The following FBLN7 variants were observed in gnomAD, a reference collection of about 807,000 sequenced individuals.
The protein encoded by FBLN7 is fibulin-7.
A neutral mutation model predicts 44.0 loss-of-function variants in FBLN7; 31 were observed. The ratio of observed to expected loss-of-function variants is 0.70; its 90% CI spans 0.53 to 0.95. The LOEUF is 0.95. Among genes scored for constraint, FBLN7 ranks in the 40% least tolerant of loss-of-function variants. The pLI, the probability that FBLN7 is intolerant of heterozygous loss-of-function variation, is 0.00. For synonymous variants in FBLN7, 262 were observed against 253.4 expected (o/e 1.03, Z -0.32); for missense variants, 573 against 618.5 (o/e 0.93, Z 0.78).
chr2:112,180,826 G>A (rs1682945417), intron 4 of FBLN7, among the ~76,000 whole-genome samples: 1 of 148,722 alleles, frequency 6.7e-6, no homozygotes, highest in Non-Finnish European at 1.5e-5. Context: ...AGGAGGCTGA[G>A]GCAGGAGAAT....
At chr2:112,172,337 A>G (rs868335075) in intron 3 of FBLN7, among the ~76,000 whole-genome samples, 84 of 152,266 alleles carry the variant, frequency 5.5e-4, no homozygotes, top group African/African-American at 1.9e-3. Flanking sequence ...GTTTAGTTAG[A>G]GCAATTTCCT....
the FBLN7 span, among the ~76,000 whole-genome samples, chr2:112,200,303 A>G: frequency 6.6e-6 from 1 of 152,162 alleles, no homozygotes; most frequent in Non-Finnish European, 1.5e-5. Flanking sequence ...CTTGCCCAGG[A>G]GGAACTGTGC....
intron 4 of FBLN7, chr2:112,176,080 G>C (rs566290165): frequency 5.9e-6 from 2 of 339,894 alleles, no homozygotes; most frequent in East Asian, 4.8e-5. Flanking sequence ...ACAAGCGCAA[G>C]AACTGACTCC....
the FBLN7 span, chr2:112,212,965 C>CTTTTTTTTT: frequency 4.0e-4 from 34 of 84,888 alleles, no homozygotes; most frequent in African/African-American, 7.5e-4. Flanking sequence ...AGAAGAAATG[C>CTTTTTTTTT]TTTTTTTTTT....
At chr2:112,156,270 C>T (rs900968476) in intron 1 of FBLN7, among the ~76,000 whole-genome samples, 8 of 152,270 alleles carry the variant, frequency 5.3e-5, no homozygotes, top group African/African-American at 1.9e-4. Flanking sequence ...TTGGGGTGGC[C>T]GGCGGGGCTG....
At chr2:112,159,191 G>GTTTTTTTTTTTTTTTTTTT (rs5833433) in intron 1 of FBLN7, among the ~76,000 whole-genome samples, 1 of 147,450 alleles carries the variant, frequency 6.8e-6, no homozygotes, top group African/African-American at 2.5e-5. Flanking sequence ...ACTCTAGTGA[G>GTTTTTTTTTTTTTTTTTTT]TTTTTTTTTT....
intron 1 of FBLN7, among the ~76,000 whole-genome samples, chr2:112,142,144 G>A (rs772823991): frequency 2.0e-5 from 3 of 152,140 alleles, no homozygotes; most frequent in Non-Finnish European, 4.4e-5. Context: ...CCGGGCAAGC[G>A]TAAAGGGTGA....
intron 2 of FBLN7, among the ~76,000 whole-genome samples, chr2:112,160,284 C>CG (rs1558879145): frequency 6.6e-6 from 1 of 152,190 alleles, no homozygotes; most frequent in African/African-American, 2.4e-5. Context: ...GCCACCGCGC[C>CG]GGGCCAATCT....
At chr2:112,173,059 T>G (rs762556727) in intron 3 of FBLN7, among the ~76,000 whole-genome samples, 1 of 152,166 alleles carries the variant, frequency 6.6e-6, no homozygotes, top group Non-Finnish European at 1.5e-5. Flanking sequence ...GTCCAAACTG[T>G]GCACAACAAG....
the FBLN7 span, chr2:112,231,019 T>A: frequency 1.0e-6 from 1 of 961,108 alleles, no homozygotes; most frequent in Non-Finnish European, 1.4e-6. Context: ...ACTGTCATAT[T>A]CATAACTTTC....
At chr2:112,236,694 A>G in the FBLN7 span, 1 of 1,602,280 alleles carries the variant, frequency 6.2e-7, no homozygotes, top group Non-Finnish European at 8.5e-7. Flanking sequence ...TTTGTTTAGC[A>G]GCTAAAAACA....
intron 1 of FBLN7, among the ~76,000 whole-genome samples, chr2:112,153,904 C>T (rs542142432): frequency 5.9e-5 from 9 of 152,152 alleles, no homozygotes; most frequent in African/African-American, 9.7e-5. Context: ...GTGGATGGAG[C>T]GTTCCATGGG....
the FBLN7 span, among the ~76,000 whole-genome samples, chr2:112,241,447 CT>C: frequency 1.2e-4 from 18 of 152,186 alleles, no homozygotes; most frequent in Admixed American, 2.0e-4. Flanking sequence ...AGACCCCCCC[CT>C]CAAGGGCCTA....
At chr2:112,210,043 A>G in the FBLN7 span, among the ~76,000 whole-genome samples, 1 of 151,474 alleles carries the variant, frequency 6.6e-6, no homozygotes, top group Admixed American at 6.6e-5. Context: ...TGAGGAGGGA[A>G]TTTGTGCAAG....
intron 7 of FBLN7, among the ~76,000 whole-genome samples, chr2:112,186,681 T>A (rs1220519489): frequency 6.6e-6 from 1 of 152,138 alleles, no homozygotes; most frequent in Non-Finnish European, 1.5e-5. Flanking sequence ...TTTAGGAAGT[T>A]CACCGTACAC....
the FBLN7 span, among the ~76,000 whole-genome samples, chr2:112,222,268 T>C: frequency 6.6e-6 from 1 of 152,298 alleles, no homozygotes; most frequent in South Asian, 2.1e-4. Flanking sequence ...AATCTGTTGT[T>C]GTCTGTTTAC....
At chr2:112,243,873 C>T in the FBLN7 span, among the ~76,000 whole-genome samples, 10 of 151,134 alleles carry the variant, frequency 6.6e-5, no homozygotes, top group African/African-American at 1.9e-4. Flanking sequence ...AAAAAGAACT[C>T]GAAAATTTAA....
chr2:112,151,479 CAG>C (rs1379628347), intron 1 of FBLN7: 3 of 152,210 alleles, frequency 2.0e-5, no homozygotes, highest in Non-Finnish European at 1.5e-5. Flanking sequence ...TTCCCAAAGA[CAG>C]AGGTCAGAGG....
chr2:112,164,964 G>A, intron 2 of FBLN7, 37 bp from the exon 3 acceptor site: 1 of 1,605,320 alleles, frequency 6.2e-7, no homozygotes. Context: ...TGTGGTCCAG[G>A]ATGAGGAGCT....
Sources: allele counts gnomAD v4.1 joint callset (sites outside exome capture counted in the v4.1 genomes callset), GRCh38; gene constraint gnomAD v4.1.1; transcripts MANE v1.5; gene names NCBI Gene and HGNC (gene_info 2026-07-23, HGNC 2026-07-21).